DNER: variants seen among roughly 807,000 people sequenced by gnomAD.
The protein encoded by DNER is delta and Notch-like epidermal growth factor-related receptor.
DNER carries 33 observed loss-of-function variants against 78.2 expected under a neutral mutation model. The observed-to-expected ratio is 0.42, with a 90% CI of 0.32 to 0.56. The LOEUF is 0.56. DNER is among the 20% of genes least tolerant of loss of function. The probability of loss-of-function intolerance (pLI) is 0.11; values close to 1 mark genes in which losing one functional copy is unlikely to be tolerated. For missense variants in DNER, 918 were observed against 975.3 expected, an observed-to-expected ratio of 0.94 and a Z score of 0.78; for synonymous variants, 417 against 384.8, an observed-to-expected ratio of 1.08 and a Z score of -0.98.
intron 1 of DNER, among the ~76,000 whole-genome samples, chr2:229,628,082 C>G (rs1232421449): frequency 6.6e-6 from 1 of 152,204 alleles, no homozygotes; most frequent in Non-Finnish European, 1.5e-5. Flanking sequence ...TCGCCTGGTC[C>G]AGTAGCTACT....
intron 1 of DNER, among the ~76,000 whole-genome samples, chr2:229,647,146 G>T (rs1182365524): frequency 6.6e-6 from 1 of 152,140 alleles, no homozygotes; most frequent in Non-Finnish European, 1.5e-5. Context: ...CAGCCTGGGC[G>T]ACAGAGCAAG....
At chr2:229,366,154 G>T (rs1409495759) in intron 12 of DNER, among the ~76,000 whole-genome samples, 1 of 152,146 alleles carries the variant, frequency 6.6e-6, no homozygotes, top group African/African-American at 2.4e-5. Context: ...TGCTCATCCT[G>T]CACATGTATC....
At chr2:229,427,540 T>C (rs11885159) in intron 8 of DNER, among the ~76,000 whole-genome samples, 14,004 of 151,930 alleles carry the variant, frequency 0.092, 2,153 homozygotes, top group African/African-American at 0.32. Flanking sequence ...GTATAAGCAA[T>C]GAGGGGCCTG....
At chr2:229,462,459 A>T (rs2154210899) in intron 7 of DNER, among the ~76,000 whole-genome samples, 1 of 152,096 alleles carries the variant, frequency 6.6e-6, no homozygotes, top group South Asian at 2.1e-4. Context: ...GTCATACCTG[A>T]TTGTTTTTCT....
intron 6 of DNER, among the ~76,000 whole-genome samples, chr2:229,479,839 A>C (rs533341298): frequency 6.6e-6 from 1 of 152,328 alleles, no homozygotes; most frequent in South Asian, 2.1e-4. Context: ...CCTGACTTTA[A>C]AGATTCTACA....
intron 4 of DNER, among the ~76,000 whole-genome samples, chr2:229,585,275 A>G (rs1247738640): frequency 6.6e-6 from 1 of 152,256 alleles, no homozygotes; most frequent in Non-Finnish European, 1.5e-5. Context: ...ATTCAGTACC[A>G]AAGATCACAC....
At position 229,397,258 on chromosome 2, in the gene DNER, A is replaced by G. The variant is rs188182624; in HGVS notation, c.1724-8862T>C. Reference sequence around the variant, plus strand: ...GTAATCTCAGGACCCAAGGAACAACATGATTGTGAGCTCTCTGAGTTTTCT... The same window carrying G: ...GTAATCTCAGGACCCAAGGAACAACGTGATTGTGAGCTCTCTGAGTTTTCT... On this transcript the variant is annotated intron_variant, in intron 10 of 12. Coordinates refer to ENST00000341772, the MANE Select transcript of DNER (RefSeq NM_139072.4). Among the ~76,000 whole-genome samples the G allele has an allele frequency of 3.3e-5, 5 of 152,184 alleles. No homozygotes were observed. The East Asian group carries it at 9.6e-4, about 29-fold the overall frequency.
In DNER at chr2:229,537,665, C is replaced by T. The variant is rs148207269; in HGVS notation, c.993+9282G>A. Among the ~76,000 whole-genome samples, 26 of 152,258 alleles carry T rather than the reference C, an allele frequency of 1.7e-4. No homozygotes were observed. In the East Asian group the frequency reaches 4.4e-3, roughly 26 times the overall value. On this transcript the variant is annotated intron_variant, in intron 5 of 12. Coordinates refer to ENST00000341772, the MANE Select transcript of DNER (RefSeq NM_139072.4). ...ATTCCCCAATGCTTCTATAACTGTC[C>T]GCATGGGACATACATTTCAACCTTC...
At chr2:229,515,222 A>AT (rs1196621625) in intron 5 of DNER, among the ~76,000 whole-genome samples, 1 of 152,140 alleles carries the variant, frequency 6.6e-6, no homozygotes, top group East Asian at 1.9e-4. Flanking sequence ...TCAGAAAGGT[A>AT]TTTTTTTAAA....
intron 1 of DNER, among the ~76,000 whole-genome samples, chr2:229,621,399 C>T (rs932884649): frequency 2.0e-5 from 3 of 152,182 alleles, no homozygotes; most frequent in Admixed American, 2.0e-4. Context: ...CCTGGAGAGG[C>T]TGGCCCCGAT....
intron 4 of DNER, 41 bp downstream of exon 4, chr2:229,585,817 G>T: frequency 1.2e-6 from 2 of 1,609,660 alleles, no homozygotes; most frequent in African/African-American, 1.3e-5. Context: ...AAGTTGGGTT[G>T]AATCAGATGC....
chr2:229,702,608 C>T (rs1259011826), intron 1 of DNER, among the ~76,000 whole-genome samples: 2 of 151,854 alleles, frequency 1.3e-5, no homozygotes, highest in East Asian at 2.0e-4. Flanking sequence ...AAACCATCCA[C>T]AGATCCCAGG....
At chr2:229,444,628 C>T (rs1235025240) in intron 8 of DNER, among the ~76,000 whole-genome samples, 3 of 152,140 alleles carry the variant, frequency 2.0e-5, no homozygotes, top group Non-Finnish European at 4.4e-5. Context: ...GTGGCTCAGG[C>T]CTGTAATCCC....
chr2:229,402,504 A>G (rs1364644662), intron 10 of DNER, among the ~76,000 whole-genome samples: 1 of 152,236 alleles, frequency 6.6e-6, no homozygotes, highest in Non-Finnish European at 1.5e-5. Flanking sequence ...AAAGACAAAT[A>G]TCAAAAAATA....
At chr2:229,687,358 G>C (rs965894587) in intron 1 of DNER, among the ~76,000 whole-genome samples, 1 of 151,052 alleles carries the variant, frequency 6.6e-6, no homozygotes, top group Non-Finnish European at 1.5e-5. Flanking sequence ...CCACCTCCAG[G>C]GTTCAAGCAA....
Position 229,714,538 on chromosome 2 carries a change from C to G in DNER, c.-115G>C. ...GGCGGCTAGGGCTGCTCCGCCGGGC[C>G]GGGCGCCTCCTGCAGCTGCGGGATC... is the stretch of plus-strand genomic sequence containing the variant. On this transcript the variant is annotated 5_prime_UTR_variant, in exon 1 of 13. Transcript: ENST00000341772. The G allele has an allele frequency of 5.0e-6, 5 of 1,008,512 alleles. No homozygotes were observed. The highest frequency in any genetic ancestry group is 1.9e-4 in the East Asian group (2 of 10,270). 62.5% of individuals were successfully genotyped at this position (1,008,512 alleles called of 1,614,324 possible). A position where few individuals can be genotyped will look rare whatever the true frequency, so the allele number is the denominator to read the frequency against.
intron 5 of DNER, among the ~76,000 whole-genome samples, chr2:229,531,664 C>T (rs980322215): frequency 2.0e-5 from 3 of 152,182 alleles, no homozygotes; most frequent in African/African-American, 7.2e-5. Flanking sequence ...CTTAGGTATT[C>T]ACCCAAAAGA....
intron 12 of DNER, among the ~76,000 whole-genome samples, chr2:229,359,957 CA>C (rs1402726973): frequency 1.3e-5 from 2 of 152,212 alleles, no homozygotes; most frequent in African/African-American, 4.8e-5. Flanking sequence ...TGCAATATGA[CA>C]AAAGACTTCA....
intron 12 of DNER, among the ~76,000 whole-genome samples, chr2:229,363,725 T>A (rs570471217): frequency 6.6e-6 from 1 of 152,198 alleles, no homozygotes; most frequent in Non-Finnish European, 1.5e-5. Context: ...CAGTTAAATA[T>A]CTTCCCCATG....
Sources: allele counts gnomAD v4.1 joint callset (sites outside exome capture counted in the v4.1 genomes callset), GRCh38; gene constraint gnomAD v4.1.1; transcripts MANE v1.5; gene names NCBI Gene and HGNC (gene_info 2026-07-23, HGNC 2026-07-21).